Variants in FAM135B observed in about 807,000 individuals in gnomAD.
FAM135B encodes the protein protein FAM135B.
Under a neutral mutation model 127.7 loss-of-function variants are expected in FAM135B, and 43 were observed. That is an observed-to-expected ratio of 0.34 (90% CI 0.26 to 0.43). FAM135B has a LOEUF of 0.43. Ranked by LOEUF, FAM135B falls within the 20% of genes least tolerant of loss-of-function variation. FAM135B has a pLI of 1.00. For missense variants in FAM135B, 1,558 were observed against 1,725.6 expected (o/e 0.90, Z 1.72); for synonymous variants, 670 against 665.1 (o/e 1.01, Z -0.11).
At chr8:138,393,518 G>A (rs112102643) in intron 1 of FAM135B, among the ~76,000 whole-genome samples, 75 of 152,192 alleles carry the variant, frequency 4.9e-4, no homozygotes, top group Middle Eastern at 3.4e-3. Flanking sequence ...TCCTCTCTGT[G>A]CAGAGTGAAC....
At chr8:138,404,659 C>T (rs1332179306) in intron 1 of FAM135B, among the ~76,000 whole-genome samples, 1 of 152,120 alleles carries the variant, frequency 6.6e-6, no homozygotes, top group African/African-American at 2.4e-5. Context: ...TCAACAATGA[C>T]AACGACTTCA....
Position 138,132,662 on chromosome 8 carries a change from G to A in FAM135B, c.4152C>T (p.Ile1384=), listed in dbSNP as rs375563526. 1.1e-4 allele frequency: 182 copies of A among 1,614,184 alleles called. 1 individual carries two copies. The African/African-American group carries it at 2.0e-3, about 17-fold the overall frequency. The part of the protein sequence containing the change: ...ANTLIGRAAH[I]AVLDSELFLE... ...GGAAGAGTTCTGAATCCAGCACAGC[G>A]ATGTGAGCGGCTCGGCCGATCAGGG... The change falls in exon 20 of 20, where the codon ATC becomes ATT. Residue 1384 remains isoleucine (I), a synonymous_variant. Coordinates refer to ENST00000395297, the MANE Select transcript of FAM135B (RefSeq NM_015912.4). This position sits in a 1 kb window ranked among gnomAD's most constrained non-coding sequence, Gnocchi z 4.5.
chr8:138,172,869 T>C (rs369474367), intron 11 of FAM135B, among the ~76,000 whole-genome samples: 1 of 152,192 alleles, frequency 6.6e-6, no homozygotes. Flanking sequence ...TCACCTCCCA[T>C]TCCCCTCCCT....
chr8:138,373,425 T>C (rs143323406), intron 1 of FAM135B, among the ~76,000 whole-genome samples: 2,921 of 150,838 alleles, frequency 0.019, 105 homozygotes, highest in African/African-American at 0.068. Flanking sequence ...CTCTTAATCC[T>C]GTCATCTCGT....
intron 1 of FAM135B, among the ~76,000 whole-genome samples, chr8:138,462,659 T>C (rs865989995): frequency 2.0e-5 from 3 of 152,136 alleles, no homozygotes; most frequent in Admixed American, 6.5e-5. Flanking sequence ...ATTTTCTACA[T>C]AGGAGTTTTC....
intron 9 of FAM135B, among the ~76,000 whole-genome samples, chr8:138,188,459 T>C (rs1342303677): frequency 6.6e-6 from 1 of 151,992 alleles, no homozygotes; most frequent in Non-Finnish European, 1.5e-5. Context: ...TGTCAGAGAG[T>C]TGGCAAGGTT....
rs909747046 is a variant in FAM135B at position 138,243,110 on chromosome 8, A to G, written c.543-42T>C. On this transcript the variant is annotated intron_variant, in intron 6 of 19. Coordinates refer to ENST00000395297, the MANE Select transcript of FAM135B (RefSeq NM_015912.4). The surrounding 1 kb of genome is among the most constrained non-coding windows in gnomAD (Gnocchi z 7.5). ...TGAAAGGGTGAAAAAGGAGGTAAAG[A>G]AAGTGATGGTGCCATTAACTCAGCC... The G allele has an allele frequency of 5.1e-6, 8 of 1,582,174 alleles. No individual in the cohort carries two copies. The highest frequency in any genetic ancestry group is 2.3e-5 in the East Asian group (1 of 44,424).
intron 1 of FAM135B, among the ~76,000 whole-genome samples, chr8:138,388,416 A>C (rs565025355): frequency 6.6e-6 from 1 of 152,320 alleles, no homozygotes; most frequent in Admixed American, 6.5e-5. Flanking sequence ...GCAGTTGAAA[A>C]CATGTCTACA....
At chr8:138,277,284 ACAGT>A (rs1162807355) in intron 3 of FAM135B, among the ~76,000 whole-genome samples, 2 of 152,108 alleles carry the variant, frequency 1.3e-5, no homozygotes, top group Non-Finnish European at 2.9e-5. Context: ...CTGCAGATAC[ACAGT>A]CTGTCTGTGC....
intron 12 of FAM135B, among the ~76,000 whole-genome samples, chr8:138,154,653 G>T (rs1337723214): frequency 6.6e-6 from 1 of 152,080 alleles, no homozygotes; most frequent in African/African-American, 2.4e-5. Flanking sequence ...ACATGCACAA[G>T]CTTGAGTAGC....
intron 11 of FAM135B, among the ~76,000 whole-genome samples, chr8:138,175,149 T>C (rs1814322015): frequency 1.3e-5 from 2 of 152,222 alleles, no homozygotes; most frequent in Admixed American, 1.3e-4. Flanking sequence ...AGGCCCATAG[T>C]CATTTGCTGG....
chr8:138,399,097 G>A (rs1033715901), intron 1 of FAM135B, among the ~76,000 whole-genome samples: 5 of 152,080 alleles, frequency 3.3e-5, no homozygotes, highest in Non-Finnish European at 7.3e-5. Flanking sequence ...CTGATTTAGG[G>A]TTCTCATAGC....
intron 3 of FAM135B, among the ~76,000 whole-genome samples, chr8:138,309,734 C>G (rs1430590493): frequency 2.0e-5 from 3 of 152,118 alleles, no homozygotes; most frequent in African/African-American, 7.2e-5. Context: ...ACTCTTAGCT[C>G]TACTGAACTG....
intron 3 of FAM135B, among the ~76,000 whole-genome samples, chr8:138,286,111 A>T (rs1043527234): frequency 5.9e-5 from 9 of 152,360 alleles, no homozygotes; most frequent in Non-Finnish European, 1.2e-4. Flanking sequence ...CATGAATGTT[A>T]AAAAATAAAT....
At chr8:138,204,894 A>G (rs1018547478) in intron 7 of FAM135B, among the ~76,000 whole-genome samples, 1 of 152,238 alleles carries the variant, frequency 6.6e-6, no homozygotes, top group African/African-American at 2.4e-5. Context: ...GAATGCATAA[A>G]TGGAATTGGC....
intron 3 of FAM135B, among the ~76,000 whole-genome samples, chr8:138,266,855 T>C (rs1004077355): frequency 2.7e-5 from 4 of 149,742 alleles, no homozygotes; most frequent in Admixed American, 1.3e-4. Context: ...TAAATAATAC[T>C]AATATTTGTA....
intron 12 of FAM135B, among the ~76,000 whole-genome samples, chr8:138,155,193 G>C (rs113911347): frequency 4.0e-5 from 6 of 151,784 alleles, no homozygotes; most frequent in African/African-American, 1.2e-4. Flanking sequence ...TCCAGCCAAA[G>C]TAAGCTTCAT....
chr8:138,183,141 A>G (rs532665919), intron 9 of FAM135B, among the ~76,000 whole-genome samples: 2 of 152,308 alleles, frequency 1.3e-5, no homozygotes, highest in African/African-American at 4.8e-5. Flanking sequence ...GTCTAAGAAT[A>G]ACAATGGCAA....
chr8:138,331,441 C>T (rs1828168604), intron 2 of FAM135B, among the ~76,000 whole-genome samples: 1 of 152,030 alleles, frequency 6.6e-6, no homozygotes, highest in Non-Finnish European at 1.5e-5. Context: ...AAAAACAGGT[C>T]TGAAAATAGT....
Sources: gnomAD v4.1 joint callset for allele counts (sites outside exome capture counted in the v4.1 genomes callset) on GRCh38, gnomAD v4.1.1 for gene constraint, Gnocchi (gnomAD v3.1) non-coding constraint, MANE v1.5 for transcripts, NCBI Gene and HGNC (gene_info 2026-07-23, HGNC 2026-07-21) for gene names.